The following TCF7L2 variants were observed in gnomAD, a reference collection of about 807,000 sequenced individuals.
The protein encoded by TCF7L2 is transcription factor 7 like 2, also known as transcription factor 7-like 2.
Under a neutral mutation model 77.9 loss-of-function variants are expected in TCF7L2, and 23 were observed. That is an observed-to-expected ratio of 0.30 (90% CI 0.21 to 0.42). The LOEUF is 0.42. TCF7L2 is among the 10% of genes least tolerant of loss of function. The pLI is 1.00. For synonymous variants in TCF7L2, 413 were observed against 340.2 expected, an observed-to-expected ratio of 1.21 and a Z score of -2.36; for missense variants, 654 against 793.1, an observed-to-expected ratio of 0.82 and a Z score of 2.11.
chr10:113,108,571 G>T lies in TCF7L2; in HGVS notation c.553-32613G>T, dbSNP rs2062713301. Among the ~76,000 whole-genome samples the T allele has an allele frequency of 2.0e-5, 3 of 152,138 alleles. No homozygotes were observed. In the South Asian group the frequency reaches 6.2e-4, roughly 32 times the overall value. On this transcript the variant is annotated intron_variant, in intron 5 of 13. Transcript: ENST00000627217. ...AGTGTGGCCGACCACTGCACTGACT[G>T]CTTTTCTAGGTTTGCATTATCCCTG...
At position 113,089,477 on chromosome 10, in the gene TCF7L2, A is replaced by G. The variant is rs1346062932; in HGVS notation, c.552+49351A>G. Reference sequence around the variant, plus strand: ...CCTCAGACTTCACTGTCAGCACTCAAGTCTTCAGGGACATGAAAAGGAGCC... The same window carrying G: ...CCTCAGACTTCACTGTCAGCACTCAGGTCTTCAGGGACATGAAAAGGAGCC... On this transcript the variant is annotated intron_variant, in intron 5 of 13. Transcript: ENST00000627217. The G allele has an allele frequency of 6.2e-6, 10 of 1,613,756 alleles. No homozygotes were observed. The Admixed American group carries it at 1.0e-4, about 16-fold the overall frequency.
intron 4 of TCF7L2, among the ~76,000 whole-genome samples, chr10:112,981,863 G>A (rs763459087): frequency 1.8e-4 from 28 of 152,172 alleles, no homozygotes; most frequent in Middle Eastern, 3.2e-3. Flanking sequence ...GGGAACCAAA[G>A]TGACCAGGAC....
In TCF7L2 at chr10:113,144,128, G is replaced by A. The variant is rs971128569; in HGVS notation, c.788+103G>A. 5.7e-4 allele frequency: 451 copies of A among 796,940 alleles called. No individual in the cohort carries two copies. Among genetic ancestry groups the A allele is most frequent in the Admixed American group, 1.3e-3 (43 of 33,938 alleles). 49.4% of individuals were successfully genotyped at this position (796,940 alleles called of 1,614,324 possible). On this transcript the variant is annotated intron_variant, in intron 7 of 13. Coordinates refer to ENST00000627217, the MANE Select transcript of TCF7L2 (RefSeq NM_001146274.2). ...TGTGTGTGTGTGTGTGTGTGTGTGT[G>A]TGTGTGTGTATGTGTGTGTGTTAGA...
Position 113,159,908 on chromosome 10 carries a change from G to C in TCF7L2, c.1319-711G>C. 1 of 1,475,324 alleles carries C rather than the reference G, an allele frequency of 6.8e-7. No individual in the cohort carries two copies. The highest frequency in any genetic ancestry group is 9.1e-7 in the Non-Finnish European group (1 of 1,102,912). 91.4% of individuals were successfully genotyped at this position (1,475,324 alleles called of 1,614,324 possible). ...CTCCTCCTCTGCTCGCTTCTCTCTTGAACTCATTCAGACCTGAGCGCTCCT... is the reference window on the plus strand; with the variant it reads ...CTCCTCCTCTGCTCGCTTCTCTCTTCAACTCATTCAGACCTGAGCGCTCCT... On this transcript the variant is annotated intron_variant, in intron 12 of 13. Transcript: ENST00000627217.
chr10:113,021,939 T>C (rs12258200), intron 4 of TCF7L2, among the ~76,000 whole-genome samples: 81,729 of 152,014 alleles, frequency 0.54, 24,665 homozygotes, highest in African/African-American at 0.81. Context: ...GCTGGTAAGC[T>C]TGGGGCACCA....
At chr10:113,140,517 T>C (rs748572147) in intron 5 of TCF7L2, among the ~76,000 whole-genome samples, 116 of 152,326 alleles carry the variant, frequency 7.6e-4, no homozygotes, top group Non-Finnish European at 1.3e-3. Flanking sequence ...AAATTCCTAA[T>C]GAATCAGGGC....
At chr10:113,037,681 C>T (rs141093122) in intron 4 of TCF7L2, among the ~76,000 whole-genome samples, 62 of 152,274 alleles carry the variant, frequency 4.1e-4, no homozygotes, top group African/African-American at 1.5e-3. Flanking sequence ...AGGTCTGTCA[C>T]CTTCAACAAA....
chr10:113,038,401 A>G (rs1003276284), intron 4 of TCF7L2, among the ~76,000 whole-genome samples: 5 of 152,188 alleles, frequency 3.3e-5, no homozygotes, highest in Non-Finnish European at 7.4e-5. Flanking sequence ...CCCACCTCGT[A>G]TAGATCCTAG....
At chr10:113,056,407 A>G (rs1319276545) in intron 5 of TCF7L2, among the ~76,000 whole-genome samples, 1 of 152,152 alleles carries the variant, frequency 6.6e-6, no homozygotes, top group Admixed American at 6.5e-5. Flanking sequence ...TAGAGGACAG[A>G]AAGAAGGGGA....
intron 5 of TCF7L2, among the ~76,000 whole-genome samples, chr10:113,101,388 A>G (rs554944788): frequency 1.3e-5 from 2 of 152,118 alleles, no homozygotes; most frequent in Admixed American, 6.5e-5. Flanking sequence ...ACAAAAAATT[A>G]AAAAGTTATC....
intron 4 of TCF7L2, among the ~76,000 whole-genome samples, chr10:113,022,014 A>G (rs2048336002): frequency 6.6e-6 from 1 of 152,168 alleles, no homozygotes; most frequent in African/African-American, 2.4e-5. Flanking sequence ...TTAACAGGCT[A>G]TGTTTTAAAT....
At chr10:113,110,273 C>T (rs912670908) in intron 5 of TCF7L2, among the ~76,000 whole-genome samples, 6 of 151,644 alleles carry the variant, frequency 4.0e-5, no homozygotes, top group African/African-American at 1.5e-4. Context: ...CAGGCCATCA[C>T]AGTCTGAATA....
intron 4 of TCF7L2, among the ~76,000 whole-genome samples, chr10:113,021,885 C>T (rs935428334): frequency 3.9e-5 from 6 of 152,178 alleles, no homozygotes; most frequent in African/African-American, 1.4e-4. Context: ...GCGATGGTCC[C>T]GAAACAGGGT....
At chr10:113,139,738 TA>T (rs1349799517) in intron 5 of TCF7L2, among the ~76,000 whole-genome samples, 1 of 151,234 alleles carries the variant, frequency 6.6e-6, no homozygotes, top group African/African-American at 2.4e-5. Flanking sequence ...AAGCACTTTT[TA>T]AAAGACACTT....
At chr10:112,967,698 C>T (rs941355952) in intron 4 of TCF7L2, among the ~76,000 whole-genome samples, 14 of 150,588 alleles carry the variant, frequency 9.3e-5, no homozygotes, top group East Asian at 3.9e-4. Flanking sequence ...TGCAATGGCG[C>T]GATCTCGGCT....
At chr10:112,990,733 AT>A (rs1194623678) in intron 4 of TCF7L2, among the ~76,000 whole-genome samples, 3 of 152,242 alleles carry the variant, frequency 2.0e-5, no homozygotes, top group African/African-American at 7.2e-5. Context: ...TAAATAAAAA[AT>A]AAAAAAAATT....
chr10:113,108,325 GAAT>G (rs969457169), intron 5 of TCF7L2, among the ~76,000 whole-genome samples: 4 of 152,110 alleles, frequency 2.6e-5, no homozygotes, highest in African/African-American at 9.7e-5. Context: ...CTTCCCTGAT[GAAT>G]GGGTGTAAAG....
At chr10:113,024,575 C>A (rs1194234977) in intron 4 of TCF7L2, among the ~76,000 whole-genome samples, 1 of 151,238 alleles carries the variant, frequency 6.6e-6, no homozygotes, top group African/African-American at 2.4e-5. Flanking sequence ...GGGATGGGAC[C>A]CAAATCTGAA....
At chr10:113,086,141 C>T (rs1045078167) in intron 5 of TCF7L2, among the ~76,000 whole-genome samples, 10 of 152,322 alleles carry the variant, frequency 6.6e-5, no homozygotes, top group African/African-American at 2.2e-4. Context: ...ACTCACGAGG[C>T]CTTCATTTAC....
Sources: gnomAD v4.1 joint callset for allele counts (sites outside exome capture counted in the v4.1 genomes callset) on GRCh38, gnomAD v4.1.1 for gene constraint, MANE v1.5 for transcripts, NCBI Gene and HGNC (gene_info 2026-07-23, HGNC 2026-07-21) for gene names.